WDR7: variants seen among roughly 807,000 people sequenced by gnomAD.
WDR7 encodes the protein WD repeat domain 7, also known as WD repeat-containing protein 7.
A neutral mutation model predicts 169.4 loss-of-function variants in WDR7; 46 were observed. That is an observed-to-expected ratio of 0.27 (90% CI 0.21 to 0.35). The LOEUF is 0.35. Ranked by LOEUF, WDR7 falls within the 10% of genes least tolerant of loss-of-function variation. WDR7 has a pLI of 1.00. For missense variants in WDR7, 1,534 were observed against 1,859.3 expected, an observed-to-expected ratio of 0.83 and a Z score of 3.22; for synonymous variants, 612 against 666.8, an observed-to-expected ratio of 0.92 and a Z score of 1.27.
Position 56,696,275 on chromosome 18 carries a change from G to A in WDR7, c.1391G>A (p.Arg464Gln), listed in dbSNP as rs761877332. Residue 464 changes from arginine to glutamine, a missense_variant, in exon 12 of 28, where the codon CGG becomes CAG. Transcript: ENST00000254442. Reference protein sequence around the residue: ...WPPHRTLRGHRNKVTCLLYPH... With the variant: ...WPPHRTLRGHQNKVTCLLYPH... ...CCTCACAGAACACTCCGTGGTCATC[G>A]GAACAAAGTCACATGTTTGCTATAT... 19 of 1,613,838 alleles carry A rather than the reference G, an allele frequency of 1.2e-5. No homozygotes were observed. The highest frequency in any genetic ancestry group is 8.3e-5 in the Admixed American group (5 of 59,978).
chr18:56,753,793 A>G (rs900566359), intron 14 of WDR7, among the ~76,000 whole-genome samples: 19 of 152,230 alleles, frequency 1.2e-4, no homozygotes, highest in Non-Finnish European at 2.8e-4. Context: ...GTGAGGGGCC[A>G]TAGTTTTGGT....
rs560406605 is a variant in WDR7 at position 56,744,591 on chromosome 18, C to T, written c.1990-11992C>T. Reference sequence around the variant, plus strand: ...ACAGGCAGGGAAGGGGAAGAAGGGGCTGATGGGGATGAAATTGTGGAATCC... The same window carrying T: ...ACAGGCAGGGAAGGGGAAGAAGGGGTTGATGGGGATGAAATTGTGGAATCC... On this transcript the variant is annotated intron_variant, in intron 14 of 27. Transcript: ENST00000254442. Among the ~76,000 whole-genome samples the T allele has an allele frequency of 6.6e-5, 10 of 152,226 alleles. No homozygotes were observed. In the South Asian group the frequency reaches 2.1e-3, roughly 32 times the overall value.
chr18:56,744,149 G>C (rs537501088), intron 14 of WDR7, among the ~76,000 whole-genome samples: 1 of 150,398 alleles, frequency 6.6e-6, no homozygotes, highest in African/African-American at 2.4e-5. Context: ...TGAGGCAGGA[G>C]AATGGCGTGA....
intron 20 of WDR7, among the ~76,000 whole-genome samples, chr18:56,835,497 C>CAT (rs565647262): frequency 1.8e-3 from 270 of 152,208 alleles, no homozygotes; most frequent in African/African-American, 6.2e-3. Flanking sequence ...TAAGCAACAG[C>CAT]ATTAATCATC....
chr18:56,827,761 TC>T (rs1206959464), intron 20 of WDR7, among the ~76,000 whole-genome samples: 1 of 152,170 alleles, frequency 6.6e-6, no homozygotes, highest in Non-Finnish European at 1.5e-5. Context: ...ATATTCCATT[TC>T]CCATGATGTG....
intron 25 of WDR7, among the ~76,000 whole-genome samples, chr18:56,947,292 ATC>A (rs1197832705): frequency 7.2e-5 from 11 of 152,182 alleles, no homozygotes; most frequent in African/African-American, 2.7e-4. Flanking sequence ...TAAGAAATGA[ATC>A]TCTGTTGGTT....
At chr18:57,009,571 A>G (rs539940598) in intron 26 of WDR7, among the ~76,000 whole-genome samples, 1 of 152,348 alleles carries the variant, frequency 6.6e-6, no homozygotes, top group South Asian at 2.1e-4. Context: ...ATAATAAACT[A>G]CACATAAAAG....
intron 26 of WDR7, among the ~76,000 whole-genome samples, chr18:57,008,119 C>A (rs770217750): frequency 5.9e-5 from 9 of 152,248 alleles, no homozygotes; most frequent in Middle Eastern, 6.8e-3. Context: ...CCCACTGATC[C>A]CTATCCGCCG....
chr18:56,749,373 AGTGTGTGTGTGTTTGTGTGT>A (rs1269200503), intron 14 of WDR7, among the ~76,000 whole-genome samples: 5 of 127,152 alleles, frequency 3.9e-5, no homozygotes, highest in African/African-American at 1.5e-4. Flanking sequence ...TATCTATAGA[AGTGTGTGTGTGTTTGTGTGT>A]GTGTGTGTGT....
chr18:56,949,084 T>C (rs926884489), intron 25 of WDR7, among the ~76,000 whole-genome samples: 1 of 152,132 alleles, frequency 6.6e-6, no homozygotes, highest in Non-Finnish European at 1.5e-5. Flanking sequence ...TCCCACTCTC[T>C]TCATCTACTG....
Position 56,772,060 on chromosome 18 carries a change from C to CA in WDR7, c.2849-4694dup, listed in dbSNP as rs71169397. ...TGGGTGACAGAGCAAGACCCTGTCT[C>CA]AAAAAAAAAAAAAAAAAAAAAAAAA... On this transcript the variant is annotated intron_variant, in intron 16 of 27. Transcript: ENST00000254442. 1.1e-3 allele frequency among the ~76,000 whole-genome samples: 57 copies of CA among 51,180 alleles called. 4 individuals are homozygous for CA. The highest frequency in any genetic ancestry group is 3.2e-3 in the African/African-American group (44 of 13,554). The allele number at this position is 51,180 out of a possible 152,430, so 33.6% of individuals were successfully genotyped here.
intron 12 of WDR7, among the ~76,000 whole-genome samples, chr18:56,702,584 A>G (rs1429611015): frequency 6.6e-6 from 1 of 152,170 alleles, no homozygotes; most frequent in Admixed American, 6.5e-5. Context: ...TTGATTTTCA[A>G]TTGTGGTAGG....
chr18:56,693,501 T>C (rs574795884), intron 9 of WDR7, among the ~76,000 whole-genome samples: 1 of 150,608 alleles, frequency 6.6e-6, no homozygotes, highest in East Asian at 2.0e-4. Context: ...AGTTGAAAAA[T>C]ATACTAATTT....
At chr18:56,894,464 AACTCCTTC>A (rs1349922587) in intron 21 of WDR7, among the ~76,000 whole-genome samples, 1 of 151,888 alleles carries the variant, frequency 6.6e-6, no homozygotes, top group Non-Finnish European at 1.5e-5. Flanking sequence ...CTGCTTGGTT[AACTCCTTC>A]ACTTCTTTCA....
At chr18:56,937,411 A>T (rs191767500) in intron 23 of WDR7, among the ~76,000 whole-genome samples, 2 of 122,504 alleles carry the variant, frequency 1.6e-5, no homozygotes, top group East Asian at 3.9e-4. Flanking sequence ...TAAATGAAAC[A>T]ACACACACAA....
intron 20 of WDR7, among the ~76,000 whole-genome samples, chr18:56,842,383 C>T (rs1158252863): frequency 6.6e-6 from 1 of 152,100 alleles, no homozygotes; most frequent in African/African-American, 2.4e-5. Context: ...TCAATAACAG[C>T]ATTAGTCCGT....
intron 19 of WDR7, among the ~76,000 whole-genome samples, chr18:56,788,275 G>A (rs191831260): frequency 2.0e-5 from 3 of 152,190 alleles, no homozygotes; most frequent in Non-Finnish European, 4.4e-5. Flanking sequence ...TTATTTGAAT[G>A]GAAAAGTCCC....
At chr18:56,804,913 G>A (rs990928206) in intron 19 of WDR7, among the ~76,000 whole-genome samples, 4 of 152,136 alleles carry the variant, frequency 2.6e-5, no homozygotes, top group African/African-American at 4.8e-5. Flanking sequence ...CTTTCGTAGC[G>A]TCAAATTTCT....
intron 25 of WDR7, among the ~76,000 whole-genome samples, chr18:56,943,340 A>G (rs972998712): frequency 6.6e-6 from 1 of 151,274 alleles, no homozygotes; most frequent in African/African-American, 2.4e-5. Context: ...ATAGTTTTGT[A>G]TTCTTTTTTT....
Sources: allele counts gnomAD v4.1 joint callset (sites outside exome capture counted in the v4.1 genomes callset), GRCh38; gene constraint gnomAD v4.1.1; transcripts MANE v1.5; gene names NCBI Gene and HGNC (gene_info 2026-07-23, HGNC 2026-07-21).